The following CTNNA2 variants were observed in gnomAD, a reference collection of about 807,000 sequenced individuals.
The protein encoded by CTNNA2 is catenin alpha 2, also known as catenin alpha-2.
A neutral mutation model predicts 101.0 loss-of-function variants in CTNNA2; 42 were observed. The ratio of observed to expected loss-of-function variants is 0.42; its 90% CI spans 0.32 to 0.54. The LOEUF (loss-of-function observed/expected upper bound fraction) is 0.54, where lower values mean the gene tolerates loss of function less well. CTNNA2 is among the 20% of genes least tolerant of loss of function. The probability of loss-of-function intolerance (pLI) is 0.14; values close to 1 mark genes in which losing one functional copy is unlikely to be tolerated. For synonymous variants in CTNNA2, 450 were observed against 456.4 expected, an observed-to-expected ratio of 0.99 and a Z score of 0.18; for missense variants, 871 against 1,223.1, an observed-to-expected ratio of 0.71 and a Z score of 4.29.
chr2:80,373,830 T>A (rs1296971877), intron 7 of CTNNA2, among the ~76,000 whole-genome samples: 1 of 152,154 alleles, frequency 6.6e-6, no homozygotes, highest in African/African-American at 2.4e-5. Flanking sequence ...CTGATTGACG[T>A]GAGTCTTGTG....
At chr2:79,852,792 A>G (rs1352919018) in intron 3 of CTNNA2, among the ~76,000 whole-genome samples, 1 of 152,032 alleles carries the variant, frequency 6.6e-6, no homozygotes, top group Non-Finnish European at 1.5e-5. Flanking sequence ...GGATTTCACC[A>G]TATTGGCCAG....
At chr2:79,732,759 A>G (rs903717574) in intron 2 of CTNNA2, among the ~76,000 whole-genome samples, 26 of 152,072 alleles carry the variant, frequency 1.7e-4, no homozygotes, top group African/African-American at 5.6e-4. Flanking sequence ...TTCTTACTAC[A>G]TAATATCTAA....
At chr2:80,252,047 A>G (rs989087043) in intron 7 of CTNNA2, among the ~76,000 whole-genome samples, 2 of 152,194 alleles carry the variant, frequency 1.3e-5, no homozygotes, top group East Asian at 1.9e-4. Flanking sequence ...AAAACTTTCT[A>G]GAGTCAATTC....
intron 2 of CTNNA2, among the ~76,000 whole-genome samples, chr2:79,239,157 G>A (rs943283804): frequency 3.9e-5 from 6 of 151,904 alleles, no homozygotes; most frequent in Non-Finnish European, 8.8e-5. Flanking sequence ...ATATAGCCAA[G>A]ACAATTCTAA....
chr2:79,987,618 T>C (rs763994076), intron 7 of CTNNA2, among the ~76,000 whole-genome samples: 3 of 152,236 alleles, frequency 2.0e-5, no homozygotes, highest in African/African-American at 4.8e-5. Flanking sequence ...TTCCTCAATT[T>C]AAGACAATAA....
intron 15 of CTNNA2, among the ~76,000 whole-genome samples, chr2:80,601,069 C>T (rs1697455713): frequency 6.6e-6 from 1 of 152,090 alleles, no homozygotes; most frequent in Admixed American, 6.6e-5. Context: ...TAAATATTCC[C>T]ATTATGGCAG....
At chr2:79,846,969 A>G (rs558555466) in intron 3 of CTNNA2, among the ~76,000 whole-genome samples, 1 of 152,360 alleles carries the variant, frequency 6.6e-6, no homozygotes, top group South Asian at 2.1e-4. Context: ...GTGTGGGAAC[A>G]AACAAATCAT....
rs566000599 is a variant in CTNNA2 at position 79,701,665 on chromosome 2, G to T, written c.103-42722G>T. On this transcript the variant is annotated intron_variant, in intron 2 of 18. Coordinates refer to ENST00000402739, the MANE Select transcript of CTNNA2 (RefSeq NM_001282597.3). ...TGAGGGAGACCGGAAGGCATCTCAGGGAAGTTAATGACTCCTGAAAGATGA... is the reference window on the plus strand; with the variant it reads ...TGAGGGAGACCGGAAGGCATCTCAGTGAAGTTAATGACTCCTGAAAGATGA... 1.2e-4 allele frequency among the ~76,000 whole-genome samples: 18 copies of T among 152,240 alleles called. No homozygotes were observed. In the South Asian group the frequency reaches 3.7e-3, roughly 32 times the overall value.
intron 7 of CTNNA2, among the ~76,000 whole-genome samples, chr2:79,965,416 C>T (rs1370336273): frequency 1.3e-5 from 2 of 152,120 alleles, no homozygotes; most frequent in Non-Finnish European, 2.9e-5. Flanking sequence ...TTTTCTTGAG[C>T]TCTACCATAA....
chr2:79,817,685 A>G (rs1173239190), intron 3 of CTNNA2, among the ~76,000 whole-genome samples: 1 of 152,190 alleles, frequency 6.6e-6, no homozygotes, highest in Non-Finnish European at 1.5e-5. Flanking sequence ...ACCTAGATCG[A>G]GAACACGAGA....
At chr2:80,126,774 A>T (rs1354493498) in intron 7 of CTNNA2, among the ~76,000 whole-genome samples, 1 of 151,610 alleles carries the variant, frequency 6.6e-6, no homozygotes, top group African/African-American at 2.4e-5. Context: ...TGATTAAATC[A>T]TGGCTGTCTG....
intron 3 of CTNNA2, among the ~76,000 whole-genome samples, chr2:79,370,115 C>A (rs527893070): frequency 1.5e-4 from 23 of 152,168 alleles, no homozygotes; most frequent in Non-Finnish European, 2.5e-4. Flanking sequence ...CAAAGATAAT[C>A]TGACACTCCC....
At chr2:79,752,879 A>G (rs929444292) in intron 3 of CTNNA2, among the ~76,000 whole-genome samples, 13 of 152,218 alleles carry the variant, frequency 8.5e-5, no homozygotes, top group African/African-American at 3.1e-4. Flanking sequence ...TTATAATACA[A>G]AGAAAGACAG....
intron 18 of CTNNA2, among the ~76,000 whole-genome samples, chr2:80,644,906 G>T (rs1025645528): frequency 6.6e-6 from 1 of 152,118 alleles, no homozygotes; most frequent in Non-Finnish European, 1.5e-5. Flanking sequence ...AGGCAAAGGG[G>T]TTCTGAAGAA....
chr2:79,459,337 A>G (rs1387697847), intron 4 of CTNNA2, among the ~76,000 whole-genome samples: 1 of 152,106 alleles, frequency 6.6e-6, no homozygotes. Flanking sequence ...GACAAATTGT[A>G]TTTTTAGGAA....
Position 79,242,999 on chromosome 2 carries a change from C to CACACACAT in CTNNA2, c.-406+44930_-406+44931insTACACACA, listed in dbSNP as rs1553385599. 9.1e-5 allele frequency among the ~76,000 whole-genome samples: 10 copies of CACACACAT among 109,986 alleles called. 1 individual carries two copies. The highest frequency in any genetic ancestry group is 5.0e-3 in the Middle Eastern group (1 of 200). 72.2% of individuals were successfully genotyped at this position (109,986 alleles called of 152,430 possible). ...ATATATATATATATATATATACACA[C>CACACACAT]ACACACACACACACACACACACACA... is the stretch of plus-strand genomic sequence containing the variant. On this transcript the variant is annotated intron_variant, in intron 2 of 21. Transcript: ENST00000466387.
intron 3 of CTNNA2, among the ~76,000 whole-genome samples, chr2:79,373,415 C>G (rs2861784): frequency 0.81 from 123,363 of 151,850 alleles, 50,601 homozygotes; most frequent in African/African-American, 0.91. Context: ...TACTATTAAA[C>G]GTAGTGATTC....
intron 7 of CTNNA2, among the ~76,000 whole-genome samples, chr2:80,271,412 A>C (rs1673462365): frequency 6.8e-6 from 1 of 147,604 alleles, no homozygotes; most frequent in Non-Finnish European, 1.5e-5. Context: ...AAGCTTCTTT[A>C]TCCTCAGTCT....
At chr2:80,594,687 T>C (rs1696794532) in intron 15 of CTNNA2, among the ~76,000 whole-genome samples, 1 of 152,098 alleles carries the variant, frequency 6.6e-6, no homozygotes, top group Admixed American at 6.6e-5. Flanking sequence ...AAATGAGGTA[T>C]AACATGAGGA....
Sources: gnomAD v4.1 joint callset for allele counts (sites outside exome capture counted in the v4.1 genomes callset) on GRCh38, gnomAD v4.1.1 for gene constraint, MANE v1.5 for transcripts, NCBI Gene and HGNC (gene_info 2026-07-23, HGNC 2026-07-21) for gene names.